NEBL: variants seen among roughly 807,000 people sequenced by gnomAD.
The protein encoded by NEBL is LIM and SH3 protein 2.
NEBL carries 122 observed loss-of-function variants against 140.2 expected under a neutral mutation model. The observed-to-expected ratio is 0.87, with a 90% CI of 0.75 to 1.01. The LOEUF is 1.01. NEBL is among the 50% of genes least tolerant of loss of function. The pLI, the probability that NEBL is intolerant of heterozygous loss-of-function variation, is 0.00. For missense variants in NEBL, 1,365 were observed against 1,231.3 expected (o/e 1.11, Z -1.62); for synonymous variants, 436 against 398.9 (o/e 1.09, Z -1.11).
At chr10:21,003,516 A>C (rs1837993667) in intron 3 of NEBL, among the ~76,000 whole-genome samples, 1 of 152,222 alleles carries the variant, frequency 6.6e-6, no homozygotes, top group African/African-American at 2.4e-5. Context: ...GAACCAGATT[A>C]TTCTTCAAAG....
rs189724091 is a variant in NEBL at position 20,922,113 on chromosome 10, A to G, written c.357+39559T>C. Among the ~76,000 whole-genome samples, 876 of 152,286 alleles carry G rather than the reference A, an allele frequency of 5.8e-3. 5 individuals carry two copies. Among genetic ancestry groups the G allele is most frequent in the Non-Finnish European group, 0.01 (697 of 68,008 alleles). Reference sequence around the variant, plus strand: ...GACACTGTATGACAGAGCAAAAACCACAAACACAAAGAAGCAACAGGGTCA... The same window carrying G: ...GACACTGTATGACAGAGCAAAAACCGCAAACACAAAGAAGCAACAGGGTCA... On this transcript the variant is annotated intron_variant, in intron 4 of 6. Transcript: ENST00000417816.
At chr10:20,805,897 G>A (rs1837571517) in intron 26 of NEBL, among the ~76,000 whole-genome samples, 1 of 151,602 alleles carries the variant, frequency 6.6e-6, no homozygotes, top group African/African-American at 2.4e-5. Context: ...CATTATTTGA[G>A]TCACTGAGTC....
In NEBL at chr10:20,781,707, C is replaced by T. The variant is rs917337594; in HGVS notation, c.*4040G>A. 7.9e-5 allele frequency: 12 copies of T among 152,580 alleles called. No homozygotes were observed. The highest frequency in any genetic ancestry group is 4.6e-4 in the Admixed American group (7 of 15,266). 9.5% of individuals were successfully genotyped at this position (152,580 alleles called of 1,614,324 possible). A position where few individuals can be genotyped will look rare whatever the true frequency, so the allele number is the denominator to read the frequency against. ...TAGTCTAAGCATCACAGAATAATAA[C>T]CACAGAAGCAACATACAATGCCTTG... is the stretch of plus-strand genomic sequence containing the variant. On this transcript the variant is annotated 3_prime_UTR_variant, in exon 28 of 28. Transcript: ENST00000377122.
rs562632496 is a variant in NEBL, at chr10:21,027,197, C to G, written c.165-6996G>C. On this transcript the variant is annotated intron_variant, in intron 2 of 6. Coordinates refer to the NEBL transcript ENST00000417816. Reference sequence around the variant, plus strand: ...CTTGTGAAACCTCCCAGAGAATCATCAAAACTGAGGATGTTCTTGGGGACC... The same window carrying G: ...CTTGTGAAACCTCCCAGAGAATCATGAAAACTGAGGATGTTCTTGGGGACC... Among the ~76,000 whole-genome samples, 4 of 152,020 alleles carry G rather than the reference C, an allele frequency of 2.6e-5. No homozygotes were observed. In the East Asian group the frequency reaches 7.7e-4, roughly 29 times the overall value.
intron 4 of NEBL, among the ~76,000 whole-genome samples, chr10:20,903,558 C>T (rs1847965092): frequency 6.6e-6 from 1 of 152,140 alleles, no homozygotes; most frequent in African/African-American, 2.4e-5. Flanking sequence ...AAAAAGACAT[C>T]TGCATGTGTT....
intron 22 of NEBL, among the ~76,000 whole-genome samples, chr10:20,815,249 G>T (rs1024736973): frequency 6.6e-6 from 1 of 152,090 alleles, no homozygotes; most frequent in Non-Finnish European, 1.5e-5. Flanking sequence ...ATTTTGTTTT[G>T]CAGACAGCAT....
intron 2 of NEBL, among the ~76,000 whole-genome samples, chr10:21,061,292 C>T (rs28411207): frequency 4.3e-5 from 6 of 140,570 alleles, no homozygotes; most frequent in South Asian, 2.2e-4. Context: ...TGATATGTAA[C>T]ATATTACATA....
chr10:20,925,466 TTGAC>T lies in NEBL; in HGVS notation c.357+36202_357+36205del, dbSNP rs771684381. On this transcript the variant is annotated intron_variant, in intron 4 of 6. Transcript: ENST00000417816. ...CCCTGAACCCTTCACCTTCTCTCTC[TTGAC>T]TGGTTCTACTCTGTCCTTTTTCCCA... 5.5e-3 allele frequency among the ~76,000 whole-genome samples: 839 copies of T among 152,302 alleles called. 4 individuals carry two copies. Among genetic ancestry groups the T allele is most frequent in the Non-Finnish European group, 9.6e-3 (652 of 68,026 alleles).
intron 3 of NEBL, among the ~76,000 whole-genome samples, chr10:21,003,113 C>T (rs967967326): frequency 2.7e-5 from 4 of 149,994 alleles, no homozygotes; most frequent in Non-Finnish European, 5.9e-5. Flanking sequence ...TGCCTCCTAA[C>T]TTCTTCACAT....
chr10:20,808,459 C>A, intron 26 of NEBL, 51 bp downstream of exon 26: 1 of 1,581,266 alleles, frequency 6.3e-7, no homozygotes, highest in Non-Finnish European at 8.7e-7. Flanking sequence ...ACTCTTGTGA[C>A]ACACTTAAAA....
At chr10:20,965,995 A>G (rs1836296641) in intron 3 of NEBL, among the ~76,000 whole-genome samples, 1 of 152,220 alleles carries the variant, frequency 6.6e-6, no homozygotes, top group Non-Finnish European at 1.5e-5. Context: ...GAAGTAACAC[A>G]GTCTTATCTC....
intron 3 of NEBL, among the ~76,000 whole-genome samples, chr10:21,212,054 ATAT>A (rs1375964754): frequency 1.3e-5 from 2 of 151,854 alleles, no homozygotes; most frequent in African/African-American, 4.8e-5. Context: ...TGTTATGCAT[ATAT>A]TATTATTACA....
chr10:20,945,144 T>A (rs1305088702), intron 4 of NEBL, among the ~76,000 whole-genome samples: 1 of 152,210 alleles, frequency 6.6e-6, no homozygotes, highest in Non-Finnish European at 1.5e-5. Flanking sequence ...GCAGTTTCCC[T>A]ACATGCGAAG....
chr10:20,967,543 A>G (rs1173253687), intron 3 of NEBL, among the ~76,000 whole-genome samples: 1 of 151,812 alleles, frequency 6.6e-6, no homozygotes, highest in Non-Finnish European at 1.5e-5. Flanking sequence ...CAGGAGAATC[A>G]CTTGAACCTG....
Position 20,952,162 on chromosome 10 carries a change from C to T in NEBL, c.357+9510G>A, listed in dbSNP as rs1389325589. ...GGTTCAATTAAGAACCGGGGCCAGG[C>T]GGGGTGGCTCACACCTATAATCCCA... On this transcript the variant is annotated intron_variant, in intron 4 of 6. Coordinates refer to the NEBL transcript ENST00000417816. Among the ~76,000 whole-genome samples the T allele has an allele frequency of 9.9e-5, 15 of 152,134 alleles. 1 individual carries two copies. Among genetic ancestry groups the T allele is most frequent in the Admixed American group, 8.5e-4 (13 of 15,274 alleles).
chr10:20,956,813 T>C (rs1835828463), intron 4 of NEBL, among the ~76,000 whole-genome samples: 1 of 152,202 alleles, frequency 6.6e-6, no homozygotes, highest in Non-Finnish European at 1.5e-5. Flanking sequence ...AAAAATCTCC[T>C]TCAGTGTCTG....
At chr10:20,928,204 C>T (rs962488076) in intron 4 of NEBL, among the ~76,000 whole-genome samples, 13 of 152,194 alleles carry the variant, frequency 8.5e-5, no homozygotes, top group African/African-American at 3.1e-4. Flanking sequence ...AGTAGATTCA[C>T]ATGTCCCAAA....
chr10:20,851,644 G>A (rs1842536574), intron 10 of NEBL, among the ~76,000 whole-genome samples: 1 of 151,450 alleles, frequency 6.6e-6, no homozygotes, highest in Non-Finnish European at 1.5e-5. Context: ...AATTAGCCAG[G>A]CGTGGTGGCA....
intron 9 of NEBL, among the ~76,000 whole-genome samples, chr10:20,854,597 C>T (rs1323040054): frequency 8.2e-6 from 1 of 122,696 alleles, no homozygotes; most frequent in African/African-American, 3.3e-5. Context: ...CAGGGTCTTG[C>T]TCTGTCACCC....
Sources: allele counts gnomAD v4.1 joint callset (sites outside exome capture counted in the v4.1 genomes callset), GRCh38; gene constraint gnomAD v4.1.1; transcripts MANE v1.5; gene names NCBI Gene and HGNC (gene_info 2026-07-23, HGNC 2026-07-21).